TOPBP1: variants seen among roughly 807,000 people sequenced by gnomAD.
TOPBP1 encodes DNA topoisomerase 2-binding protein 1.
In TOPBP1, 28 loss-of-function variants were observed where a neutral mutation model predicts 167.7. That is an observed-to-expected ratio of 0.17 (90% CI 0.12 to 0.23). The LOEUF is 0.23. Among genes scored for constraint, TOPBP1 ranks in the 10% least tolerant of loss-of-function variants. TOPBP1 has a pLI of 1.00. For missense variants in TOPBP1, 1,554 were observed against 1,809.6 expected, an observed-to-expected ratio of 0.86 and a Z score of 2.56; for synonymous variants, 598 against 611.4, an observed-to-expected ratio of 0.98 and a Z score of 0.32.
rs1439036525 is a variant in TOPBP1 at position 133,616,854 on chromosome 3, A to G, written c.3831T>C (p.Pro1277=). ...QYIFQLSSLN[P]QERIDYCHLI... is the part of the protein sequence containing the mutation. ...GATGACAATAGTCAATACGTTCTTGAGGATTCAGAGATGATAACTGAAATA... is the reference window on the plus strand; with the variant it reads ...GATGACAATAGTCAATACGTTCTTGGGGATTCAGAGATGATAACTGAAATA... The change falls in exon 23 of 28, where the codon CCT becomes CCC. Residue 1277 remains proline, a synonymous_variant. Coordinates refer to ENST00000260810, the MANE Select transcript of TOPBP1 (RefSeq NM_007027.4). 2.6e-6 allele frequency: 4 copies of G among 1,558,526 alleles called. No individual in the cohort carries two copies. In the South Asian group the frequency reaches 4.9e-5, roughly 19 times the overall value.
chr3:133,630,960 C>G (rs1367614700), intron 14 of TOPBP1, among the ~76,000 whole-genome samples: 1 of 152,092 alleles, frequency 6.6e-6, no homozygotes, highest in African/African-American at 2.4e-5. Flanking sequence ...TTTGGGAGGC[C>G]AAGGCAGAAC....
At chr3:133,657,416 C>T (rs1195002382) in intron 4 of TOPBP1, among the ~76,000 whole-genome samples, 1 of 145,284 alleles carries the variant, frequency 6.9e-6, no homozygotes, top group Non-Finnish European at 1.5e-5. Context: ...AAATCTTGCT[C>T]TGTCACCCAG....
chr3:133,651,581 C>T (rs998371922), intron 8 of TOPBP1, among the ~76,000 whole-genome samples: 2 of 152,134 alleles, frequency 1.3e-5, no homozygotes, highest in African/African-American at 4.8e-5. Context: ...AATAGGAATA[C>T]ATTAAGTATT....
In TOPBP1 at chr3:133,617,346, G is replaced by A; in HGVS notation, c.3593-20C>T. 6.3e-7 allele frequency: 1 copy of A among 1,583,804 alleles called. No individual in the cohort carries two copies. Among genetic ancestry groups the A allele is most frequent in the Non-Finnish European group, 8.6e-7 (1 of 1,167,578 alleles). On this transcript the variant is annotated intron_variant, in intron 21 of 27. Coordinates refer to ENST00000260810, the MANE Select transcript of TOPBP1 (RefSeq NM_007027.4). ...AGACAGCTGAGGACAATAAAATGCTGCAGTGTGACAGGATCCAAATAAGAC... is the reference window on the plus strand; with the variant it reads ...AGACAGCTGAGGACAATAAAATGCTACAGTGTGACAGGATCCAAATAAGAC...
chr3:133,658,328 G>A (rs1044376294), intron 3 of TOPBP1, among the ~76,000 whole-genome samples: 3 of 152,036 alleles, frequency 2.0e-5, no homozygotes, highest in African/African-American at 7.2e-5. Flanking sequence ...TTAGTCGGGT[G>A]CAGTGGCGGG....
chr3:133,644,908 CACTGTG>C (rs1254152958), intron 10 of TOPBP1, among the ~76,000 whole-genome samples: 2 of 152,186 alleles, frequency 1.3e-5, no homozygotes, highest in African/African-American at 4.8e-5. Context: ...TTTATATAAG[CACTGTG>C]ACTAAGTGCT....
chr3:133,631,860 A>C (rs1481141360), intron 14 of TOPBP1, among the ~76,000 whole-genome samples: 1 of 149,370 alleles, frequency 6.7e-6, no homozygotes, highest in African/African-American at 2.5e-5. Flanking sequence ...CTGGTCTTGA[A>C]CTCCTGACCT....
chr3:133,624,108 A>G lies in TOPBP1; in HGVS notation c.2872T>C (p.Tyr958His). ...QGRPNDTNRE[Y>H]KSVKERGVHI... ...ACTCCTCTTTCTTTTACAGATTTAT[A>G]CTCCCGATTAGTGTCATTTGGCCGC... The change falls in exon 17 of 28, where the codon TAT becomes CAT. Residue 958 changes from tyrosine to histidine, a missense_variant. Tyr to His is a moderately conservative substitution (Grantham distance 83, BLOSUM62 2). Around this residue, in one of 3 missense-constraint regions of TOPBP1, gnomAD observed 1,197 missense variants for 1,351.5 expected, o/e 0.89. Transcript: ENST00000260810. 2 of 1,613,776 alleles carry G rather than the reference A, an allele frequency of 1.2e-6. No individual in the cohort carries two copies. Among genetic ancestry groups the G allele is most frequent in the African/African-American group, 1.3e-5 (1 of 75,008 alleles).
chr3:133,618,245 T>A lies in TOPBP1; in HGVS notation c.3560A>T (p.Lys1187Met), dbSNP rs1934964763. ...AGCAATTTCTGAATCATGTAAAGGC[T>A]TTTGAAAAGGAGAATCCTCCAAGTT... is the stretch of plus-strand genomic sequence containing the variant. The part of the protein sequence containing the change: ...IQNLEDSPFQ[K>M]PLHDSEIAKQ... The change falls in exon 21 of 28, where the codon AAG becomes ATG. Residue 1187 changes from lysine to methionine, a missense_variant. Physicochemically the swap from Lys to Met is moderately conservative, Grantham distance 95. Coordinates refer to ENST00000260810, the MANE Select transcript of TOPBP1 (RefSeq NM_007027.4). 4.3e-6 allele frequency: 7 copies of A among 1,613,858 alleles called. No individual in the cohort carries two copies. The highest frequency in any genetic ancestry group is 5.1e-6 in the Non-Finnish European group (6 of 1,179,862).
At position 133,601,267 on chromosome 3, in the gene TOPBP1, G is replaced by A; in HGVS notation, c.4552C>T (p.Arg1518Ter). The A allele has an allele frequency of 6.2e-7, 1 of 1,604,914 alleles. No homozygotes were observed. The highest frequency in any genetic ancestry group is 8.5e-7 in the Non-Finnish European group (1 of 1,177,518). ...KAPTEKNKIKRPRVH is the reference protein window; with the variant it reads ...KAPTEKNKIK ...AGATGCGATTAGTGTACTCTAGGTC[G>A]TTTGATTTTATTTTTTTCTGTAGGA... The change falls in exon 28 of 28, where the codon CGA (arginine) becomes TGA (stop). Residue 1518 changes from arginine to a stop codon, truncating the protein, a stop_gained. Coordinates refer to ENST00000260810, the MANE Select transcript of TOPBP1 (RefSeq NM_007027.4). LOFTEE classifies it high-confidence loss of function.
intron 2 of TOPBP1, 83 bp from the exon 3 acceptor site, chr3:133,659,233 C>T (rs1023439870): frequency 2.2e-6 from 3 of 1,365,588 alleles, no homozygotes; most frequent in Admixed American, 2.7e-5. Flanking sequence ...TCAAATCCAG[C>T]CTTTTCCCTA....
At chr3:133,618,063 G>T in intron 21 of TOPBP1, 150 bp downstream of exon 21, 1 of 625,880 alleles carries the variant, frequency 1.6e-6, no homozygotes, top group Non-Finnish European at 2.7e-6. Flanking sequence ...TTATTTTTCT[G>T]GCTCAAGTTT....
intron 14 of TOPBP1, among the ~76,000 whole-genome samples, chr3:133,634,248 C>A (rs1306711015): frequency 6.6e-6 from 1 of 152,230 alleles, no homozygotes. Context: ...GTGGCTCATG[C>A]CTGTAATCCC....
chr3:133,607,288 A>G (rs1268603231), intron 27 of TOPBP1, among the ~76,000 whole-genome samples: 1 of 152,000 alleles, frequency 6.6e-6, no homozygotes, highest in Admixed American at 6.6e-5. Flanking sequence ...CTCAATCTGT[A>G]TATTATTGGT....
intron 2 of TOPBP1, among the ~76,000 whole-genome samples, chr3:133,659,559 C>G (rs1203178779): frequency 6.6e-6 from 1 of 152,176 alleles, no homozygotes; most frequent in Non-Finnish European, 1.5e-5. Flanking sequence ...AACCCTGGAA[C>G]AAGCCAACCA....
intron 10 of TOPBP1, among the ~76,000 whole-genome samples, chr3:133,649,107 G>C (rs1226860763): frequency 6.6e-6 from 1 of 152,010 alleles, no homozygotes. Context: ...TTAATAAAAG[G>C]CTCATGATAT....
At chr3:133,649,243 A>G in intron 10 of TOPBP1, 140 bp downstream of exon 10, 1 of 1,206,980 alleles carries the variant, frequency 8.3e-7, no homozygotes, top group Non-Finnish European at 1.1e-6. Context: ...CTCAGAAAAA[A>G]AGTTATGAGG....
chr3:133,611,727 G>A (rs1228200216), intron 24 of TOPBP1, among the ~76,000 whole-genome samples: 1 of 152,130 alleles, frequency 6.6e-6, no homozygotes, highest in Admixed American at 6.6e-5. Flanking sequence ...TCAATTTTAT[G>A]AGCAGTCAGC....
intron 14 of TOPBP1, among the ~76,000 whole-genome samples, chr3:133,634,491 G>A (rs772897113): frequency 3.3e-5 from 5 of 152,070 alleles, no homozygotes; most frequent in Non-Finnish European, 7.4e-5. Flanking sequence ...CCTGGGTCCT[G>A]GGTGACAGAG....
Sources: allele counts gnomAD v4.1 joint callset (sites outside exome capture counted in the v4.1 genomes callset), GRCh38; gene constraint gnomAD v4.1.1; regional missense constraint gnomAD v4.1.1; transcripts MANE v1.5; gene names NCBI Gene and HGNC (gene_info 2026-07-23, HGNC 2026-07-21).